The following HBS1L variants were observed in gnomAD, a reference collection of about 807,000 sequenced individuals.
HBS1L encodes the protein HBS1 like translational GTPase, also known as HBS1-like protein.
In HBS1L, 55 loss-of-function variants were observed where a neutral mutation model predicts 88.9. That is an observed-to-expected ratio of 0.62 (90% CI 0.50 to 0.77). HBS1L has a LOEUF of 0.77. Among genes scored for constraint, HBS1L ranks in the 30% least tolerant of loss-of-function variants. The pLI is 0.00. For synonymous variants in HBS1L, 267 were observed against 288.5 expected, an observed-to-expected ratio of 0.93 and a Z score of 0.76; for missense variants, 741 against 829.3, an observed-to-expected ratio of 0.89 and a Z score of 1.31.
chr6:134,987,768 T>C lies in HBS1L; in HGVS notation c.1107A>G (p.Val369=). ...AAQADVAVLV[V]DASRGEFEAG... ...CTTCAAACTCTCCCCTGCTGGCATC[T>C]ACAACTAAAACAGCTACATCCGCCT... is the stretch of plus-strand genomic sequence containing the variant. The change falls in exon 9 of 18, where the codon GTA becomes GTG. Residue 369 remains valine (V), a synonymous_variant. Coordinates refer to ENST00000367837, the MANE Select transcript of HBS1L (RefSeq NM_006620.4). 3.1e-6 allele frequency: 5 copies of C among 1,598,962 alleles called. No individual in the cohort carries two copies. Among genetic ancestry groups the C allele is most frequent in the Non-Finnish European group, 4.3e-6 (5 of 1,172,872 alleles).
chr6:134,998,429 T>C (rs1429270857), intron 5 of HBS1L, among the ~76,000 whole-genome samples: 5 of 149,752 alleles, frequency 3.3e-5, no homozygotes, highest in African/African-American at 1.2e-4. Flanking sequence ...CAACTCTGAA[T>C]AGCTATAAGG....
intron 4 of HBS1L, among the ~76,000 whole-genome samples, chr6:135,035,269 G>A (rs141759411): frequency 6.6e-6 from 1 of 152,042 alleles, no homozygotes; most frequent in Non-Finnish European, 1.5e-5. Flanking sequence ...GGCCAACATG[G>A]TGAAACCCCG....
At chr6:134,999,635 A>G (rs1326466535) in intron 5 of HBS1L, among the ~76,000 whole-genome samples, 1 of 151,834 alleles carries the variant, frequency 6.6e-6, no homozygotes, top group African/African-American at 2.4e-5. Flanking sequence ...TTTAGTAGAG[A>G]CAGGGTTTCA....
At position 134,988,052 on chromosome 6, in the gene HBS1L, A is replaced by G. The variant is rs899309579; in HGVS notation, c.1084-261T>C. ...AATATATAAGCAAAGGAGGAAAAAT[A>G]TAAACAAAATTAAAACATAAACAAA... On this transcript the variant is annotated intron_variant, in intron 8 of 17. Transcript: ENST00000367837. Among the ~76,000 whole-genome samples the G allele has an allele frequency of 8.5e-5, 13 of 152,264 alleles. No individual in the cohort carries two copies. In the East Asian group the frequency reaches 1.7e-3, roughly 20 times the overall value.
chr6:134,997,634 G>T lies in HBS1L; in HGVS notation c.562C>A (p.His188Asn). ...CCTTTTTGAGGTGTGTGGAAACTAT[G>T]ACCATTTTCTTCAGAAGATACTCTA... Reference protein sequence around the residue: ...VPGVSSEENGHSFHTPQKGPP... With the variant: ...VPGVSSEENGNSFHTPQKGPP... Residue 188 changes from histidine to asparagine, a missense_variant, in exon 6 of 18, where the codon CAT (histidine) becomes AAT (asparagine). Transcript: ENST00000367837. The T allele has an allele frequency of 1.9e-6, 3 of 1,613,852 alleles. No individual in the cohort carries two copies. The highest frequency in any genetic ancestry group is 2.2e-5 in the South Asian group (2 of 91,028).
At position 134,961,625 on chromosome 6, in the gene HBS1L, G is replaced by A. The variant is rs540579445; in HGVS notation, c.*3654C>T. 21 of 152,146 alleles carry A rather than the reference G, an allele frequency of 1.4e-4. No homozygotes were observed. The highest frequency in any genetic ancestry group is 4.8e-4 in the African/African-American group (20 of 41,512). 9.4% of individuals were successfully genotyped at this position (152,146 alleles called of 1,614,324 possible). A position where few individuals can be genotyped will look rare whatever the true frequency, so the allele number is the denominator to read the frequency against. On this transcript the variant is annotated 3_prime_UTR_variant, in exon 18 of 18. Coordinates refer to ENST00000367837, the MANE Select transcript of HBS1L (RefSeq NM_006620.4). ...CTCCCACCCACAACATAAAAATTAA[G>A]ATACCCAGTTGCAAAATCACTCCCA... is the stretch of plus-strand genomic sequence containing the variant.
intron 4 of HBS1L, among the ~76,000 whole-genome samples, chr6:135,021,579 C>G (rs1308921230): frequency 2.6e-5 from 4 of 151,912 alleles, no homozygotes; most frequent in African/African-American, 9.7e-5. Context: ...AGAAAAAAAG[C>G]CCTAATTTTT....
At chr6:135,036,595 A>G in intron 4 of HBS1L, 1 of 1,515,088 alleles carries the variant, frequency 6.6e-7, no homozygotes, top group South Asian at 1.3e-5. Context: ...ATTAGCTTTT[A>G]CAATGTCATC....
rs143436351 is a variant in HBS1L at position 134,993,124 on chromosome 6, G to T, written c.1083+634C>A. Among the ~76,000 whole-genome samples, 1,294 of 152,238 alleles carry T rather than the reference G, an allele frequency of 8.5e-3. 9 individuals carry two copies. The highest frequency in any genetic ancestry group is 0.03 in the African/African-American group (1,231 of 41,544). ...GAACTATAGGTTCCATGTAGCCTAG[G>T]TGTATAAAAGATGTTACCATCCAGA... On this transcript the variant is annotated intron_variant, in intron 8 of 17. Coordinates refer to ENST00000367837, the MANE Select transcript of HBS1L (RefSeq NM_006620.4).
chr6:135,016,234 A>C (rs1775918251), intron 4 of HBS1L, among the ~76,000 whole-genome samples: 2 of 152,294 alleles, frequency 1.3e-5, no homozygotes, highest in South Asian at 4.1e-4. Flanking sequence ...TGTGAGTTTA[A>C]GTGAGGTTAA....
intron 4 of HBS1L, among the ~76,000 whole-genome samples, chr6:135,032,125 C>T (rs955334908): frequency 1.3e-5 from 2 of 151,804 alleles, no homozygotes; most frequent in Non-Finnish European, 2.9e-5. Flanking sequence ...ATGCTAAATA[C>T]CTTAAAATAA....
chr6:135,032,859 AAAAGACAAGTTTAAG>A (rs1194819957), intron 4 of HBS1L, among the ~76,000 whole-genome samples: 2 of 151,924 alleles, frequency 1.3e-5, no homozygotes. Flanking sequence ...GAAAAAGAGT[AAAAGACAAGTTTAAG>A]AAAGACAGAT....
Position 135,054,720 on chromosome 6 carries a change from C to A in HBS1L, c.-29G>T. The stretch of plus-strand genomic sequence containing the variant: ...GGCGGAGAGGGCGTTTGCCACAGCC[C>A]CTTAACTCCTTCCAAAACACTCCGC... On this transcript the variant is annotated 5_prime_UTR_variant, in exon 1 of 18. Coordinates refer to ENST00000367837, the MANE Select transcript of HBS1L (RefSeq NM_006620.4). 3.7e-6 allele frequency: 6 copies of A among 1,613,882 alleles called. No individual in the cohort carries two copies. The highest frequency in any genetic ancestry group is 4.2e-6 in the Non-Finnish European group (5 of 1,179,882).
chr6:135,041,660 T>C (rs1292861714), intron 3 of HBS1L, among the ~76,000 whole-genome samples: 4 of 152,136 alleles, frequency 2.6e-5, no homozygotes, highest in Admixed American at 2.0e-4. Context: ...TGTATTCTAA[T>C]CATAAGCTCC....
intron 4 of HBS1L, among the ~76,000 whole-genome samples, chr6:135,005,467 T>C (rs1443102803): frequency 6.6e-6 from 1 of 152,258 alleles, no homozygotes; most frequent in Admixed American, 6.5e-5. Flanking sequence ...AGATGGTATG[T>C]ACATGTTAAT....
At chr6:134,992,663 T>C (rs1363555199) in intron 8 of HBS1L, among the ~76,000 whole-genome samples, 1 of 151,820 alleles carries the variant, frequency 6.6e-6, no homozygotes, top group African/African-American at 2.4e-5. Flanking sequence ...AGAAAGAAAA[T>C]ATTTTCGTAC....
At chr6:134,991,516 A>G (rs188210696) in intron 8 of HBS1L, among the ~76,000 whole-genome samples, 1 of 152,244 alleles carries the variant, frequency 6.6e-6, no homozygotes, top group African/African-American at 2.4e-5. Flanking sequence ...GATAATATAC[A>G]CTTCCTAGAG....
rs997860846 is a variant in HBS1L at position 135,037,036 on chromosome 6, A to G, written c.430+2537T>C. 2.1e-5 allele frequency: 32 copies of G among 1,551,564 alleles called. No individual in the cohort carries two copies. In the Admixed American group the frequency reaches 2.7e-4, roughly 13 times the overall value. On this transcript the variant is annotated intron_variant, in intron 4 of 17. Coordinates refer to ENST00000367837, the MANE Select transcript of HBS1L (RefSeq NM_006620.4). ...CCTCACTTCAGATAAACTGACCTCA[A>G]AGGACTCTTTCTTAATCTGAGAGTT...
At chr6:134,983,397 A>G (rs1303575239) in intron 12 of HBS1L, 1 of 152,170 alleles carries the variant, frequency 6.6e-6, no homozygotes, top group Admixed American at 6.6e-5. Flanking sequence ...AAAGGGAATA[A>G]ACTCAAGAAT....
Sources: allele counts gnomAD v4.1 joint callset (sites outside exome capture counted in the v4.1 genomes callset), GRCh38; gene constraint gnomAD v4.1.1; transcripts MANE v1.5; gene names NCBI Gene and HGNC (gene_info 2026-07-23, HGNC 2026-07-21).